The following C1QTNF7 variants were observed in gnomAD, a reference collection of about 807,000 sequenced individuals.
C1QTNF7 encodes C1q and TNF related 7.
Under a neutral mutation model 19.6 loss-of-function variants are expected in C1QTNF7, and 15 were observed. That is an observed-to-expected ratio of 0.76 (90% CI 0.51 to 1.18). The LOEUF is 1.18. C1QTNF7 is among the 50% of genes most tolerant of loss of function. The pLI is 0.00. For missense variants in C1QTNF7, 324 were observed against 359.7 expected, an observed-to-expected ratio of 0.90 and a Z score of 0.80; for synonymous variants, 142 against 137.5, an observed-to-expected ratio of 1.03 and a Z score of -0.23.
At chr4:15,414,115 G>C (rs886190658) in intron 1 of C1QTNF7, among the ~76,000 whole-genome samples, 2 of 152,136 alleles carry the variant, frequency 1.3e-5, no homozygotes, top group African/African-American at 4.8e-5. Context: ...AGTTCTGTAT[G>C]CTTCTTCAGG....
At chr4:15,391,059 A>G (rs974723988) in intron 1 of C1QTNF7, among the ~76,000 whole-genome samples, 1 of 152,112 alleles carries the variant, frequency 6.6e-6, no homozygotes, top group African/African-American at 2.4e-5. Flanking sequence ...TTGAATGCAC[A>G]TAATTAAAGT....
At chr4:15,425,695 A>G (rs1305618323), upstream of C1QTNF7, among the ~76,000 whole-genome samples, 1 of 152,208 alleles carries the variant, frequency 6.6e-6, no homozygotes, top group Non-Finnish European at 1.5e-5. Context: ...CATCTGTAGA[A>G]GGAGGATAAT....
intron 1 of C1QTNF7, among the ~76,000 whole-genome samples, chr4:15,384,785 T>C (rs777238066): frequency 6.4e-4 from 98 of 152,222 alleles, no homozygotes; most frequent in Non-Finnish European, 9.3e-4. Flanking sequence ...CCTTTAATTA[T>C]TTGAAATCAT....
At chr4:15,412,853 G>A (rs1318502335) in intron 1 of C1QTNF7, among the ~76,000 whole-genome samples, 3 of 152,182 alleles carry the variant, frequency 2.0e-5, no homozygotes, top group African/African-American at 7.2e-5. Flanking sequence ...TGAGCAATAG[G>A]AGACAGAGAT....
At chr4:15,410,136 T>A (rs1375224222) in intron 1 of C1QTNF7, among the ~76,000 whole-genome samples, 1 of 152,232 alleles carries the variant, frequency 6.6e-6, no homozygotes, top group Non-Finnish European at 1.5e-5. Flanking sequence ...TCCTGAGGCA[T>A]TTTAATTTAG....
chr4:15,360,011 G>C (rs1477589280), intron 1 of C1QTNF7, among the ~76,000 whole-genome samples: 1 of 152,192 alleles, frequency 6.6e-6, no homozygotes, highest in Non-Finnish European at 1.5e-5. Flanking sequence ...AGTTAGACCT[G>C]AGTGGTGGCA....
chr4:15,407,332 A>C lies in C1QTNF7; in HGVS notation c.14-28404A>C, dbSNP rs1475228731. On this transcript the variant is annotated intron_variant, in intron 1 of 2. Transcript: ENST00000295297. ...ACTTCATCCACAGAACTTGCAAAGT[A>C]GTTATTATTCTCTCATTTTAGAAAT... 2.0e-5 allele frequency among the ~76,000 whole-genome samples: 3 copies of C among 152,340 alleles called. No homozygotes were observed. In the East Asian group the frequency reaches 5.8e-4, roughly 29 times the overall value.
intron 1 of C1QTNF7, among the ~76,000 whole-genome samples, chr4:15,415,620 C>CATATATATATATATATAT (rs35377968): frequency 6.8e-6 from 1 of 146,862 alleles, no homozygotes; most frequent in African/African-American, 2.5e-5. Flanking sequence ...TTATTTGATG[C>CATATATATATATATATAT]ATATATATAT....
At chr4:15,362,698 A>T (rs1717386975) in intron 1 of C1QTNF7, among the ~76,000 whole-genome samples, 1 of 152,194 alleles carries the variant, frequency 6.6e-6, no homozygotes, top group Non-Finnish European at 1.5e-5. Context: ...TTGACAGAGC[A>T]TTTACAGCCC....
intron 1 of C1QTNF7, among the ~76,000 whole-genome samples, chr4:15,398,111 T>G (rs528111702): frequency 5.6e-4 from 85 of 152,294 alleles, no homozygotes; most frequent in Non-Finnish European, 1.0e-3. Context: ...AGCCAACAAT[T>G]TCTTCAGTGC....
intron 1 of C1QTNF7, among the ~76,000 whole-genome samples, chr4:15,401,157 G>C (rs923743397): frequency 6.6e-6 from 1 of 152,154 alleles, no homozygotes; most frequent in African/African-American, 2.4e-5. Flanking sequence ...AGGGGGAAGG[G>C]AGTGGCAAAT....
chr4:15,436,061 A>G (rs1260408106), intron 2 of C1QTNF7, 80 bp downstream of exon 2: 11 of 1,530,598 alleles, frequency 7.2e-6, no homozygotes, highest in African/African-American at 1.4e-5. Context: ...TACTTTTTCT[A>G]ATGGGAATTG....
intron 1 of C1QTNF7, among the ~76,000 whole-genome samples, chr4:15,344,012 G>C (rs1201049820): frequency 6.6e-6 from 1 of 152,222 alleles, no homozygotes; most frequent in Non-Finnish European, 1.5e-5. Flanking sequence ...CCTCAGAGGA[G>C]GTAACATGCA....
rs1253618952 is a variant in C1QTNF7 at position 15,442,700 on chromosome 4, C to T, written c.771C>T (p.Leu257=). Reference sequence around the variant, plus strand: ...TTTTCTTCACAGACCAGAATGGCCTCTTCTCAGACCCAGGTTGGGCAGACA... The same window carrying T: ...TTTTCTTCACAGACCAGAATGGCCTTTTCTCAGACCCAGGTTGGGCAGACA... ...LEIFFTDQNG[L]FSDPGWADSL... The change falls in exon 3 of 3, where the codon CTC becomes CTT. Residue 257 remains leucine (L), a synonymous_variant. Transcript: ENST00000444304. 1.3e-5 allele frequency: 21 copies of T among 1,614,072 alleles called. No homozygotes were observed. In the Admixed American group the frequency reaches 3.2e-4, roughly 24 times the overall value.
Position 15,443,951 on chromosome 4 carries a change from G to C in C1QTNF7, c.*1152G>C, listed in dbSNP as rs1470581666. On this transcript the variant is annotated 3_prime_UTR_variant, in exon 3 of 3. Transcript: ENST00000444304. The stretch of plus-strand genomic sequence containing the variant: ...GCAATGAACAGGAGAAGGAGGGAGA[G>C]AGCCAAATGTCTGAGTAAACAGATA... 1.3e-5 allele frequency: 2 copies of C among 152,316 alleles called. No homozygotes were observed. The highest frequency in any genetic ancestry group is 1.5e-5 in the Non-Finnish European group (1 of 68,020). 9.4% of individuals were successfully genotyped at this position (152,316 alleles called of 1,614,324 possible).
At chr4:15,408,152 A>T (rs1335271214) in intron 1 of C1QTNF7, among the ~76,000 whole-genome samples, 2 of 151,824 alleles carry the variant, frequency 1.3e-5, no homozygotes, top group African/African-American at 4.8e-5. Flanking sequence ...GCACGCCTGT[A>T]GTCCCAGCTA....
At chr4:15,370,972 T>A (rs1717698778) in intron 1 of C1QTNF7, among the ~76,000 whole-genome samples, 1 of 152,252 alleles carries the variant, frequency 6.6e-6, no homozygotes, top group South Asian at 2.1e-4. Flanking sequence ...CAACATGCTG[T>A]CATTCCGTTT....
chr4:15,413,602 C>G (rs1180084355), intron 1 of C1QTNF7, among the ~76,000 whole-genome samples: 1 of 152,190 alleles, frequency 6.6e-6, no homozygotes, highest in African/African-American at 2.4e-5. Context: ...ATTTGTTGAG[C>G]TCTTTACTGC....
In C1QTNF7 at chr4:15,386,253, G is replaced by C. The variant is rs541776692; in HGVS notation, c.13+46046G>C. On this transcript the variant is annotated intron_variant, in intron 1 of 2. Coordinates refer to the C1QTNF7 transcript ENST00000295297. ...CTTGTCTCTCATGCATGGAGCTTTT[G>C]AGGGGACCATGGAGGAGGCTAGTAC... Among the ~76,000 whole-genome samples, 38 of 152,332 alleles carry C rather than the reference G, an allele frequency of 2.5e-4. No homozygotes were observed. In the East Asian group the frequency reaches 7.1e-3, roughly 29 times the overall value.
Sources: gnomAD v4.1 joint callset for allele counts (sites outside exome capture counted in the v4.1 genomes callset) on GRCh38, gnomAD v4.1.1 for gene constraint, MANE v1.5 for transcripts, NCBI Gene and HGNC (gene_info 2026-07-23, HGNC 2026-07-21) for gene names.